BBS9: variants seen among roughly 807,000 people sequenced by gnomAD.
The protein encoded by BBS9 is protein PTHB1.
BBS9 carries 89 observed loss-of-function variants against 117.7 expected under a neutral mutation model. The ratio of observed to expected loss-of-function variants is 0.76; its 90% CI spans 0.64 to 0.90. The LOEUF (loss-of-function observed/expected upper bound fraction) is 0.90. Among genes scored for constraint, BBS9 ranks in the 40% least tolerant of loss-of-function variants. The probability of loss-of-function intolerance (pLI) is 0.00; values close to 1 mark genes in which losing one functional copy is unlikely to be tolerated. For missense variants in BBS9, 982 were observed against 1,042.2 expected, an observed-to-expected ratio of 0.94 and a Z score of 0.80; for synonymous variants, 379 against 370.9, an observed-to-expected ratio of 1.02 and a Z score of -0.25.
Position 33,388,156 on chromosome 7 carries a change from A to G in BBS9, c.2115+12A>G, listed in dbSNP as rs1370906674. On this transcript the variant is annotated intron_variant, in intron 19 of 22. Transcript: ENST00000242067. ...GAACCTACAAGCAGGTCAGTATAATATCAGTAACAGTTTTCTATTACTGGC... is the reference window on the plus strand; with the variant it reads ...GAACCTACAAGCAGGTCAGTATAATGTCAGTAACAGTTTTCTATTACTGGC... 1.2e-6 allele frequency: 2 copies of G among 1,613,508 alleles called. No homozygotes were observed. The highest frequency in any genetic ancestry group is 3.3e-5 in the Admixed American group (2 of 60,000).
intron 6 of BBS9, among the ~76,000 whole-genome samples, chr7:33,260,645 G>T (rs1390382416): frequency 6.6e-6 from 1 of 152,184 alleles, no homozygotes; most frequent in Non-Finnish European, 1.5e-5. Context: ...ACTGTGCAAG[G>T]TACTGGAAAT....
intron 19 of BBS9, among the ~76,000 whole-genome samples, chr7:33,396,543 A>G (rs979655327): frequency 6.6e-6 from 1 of 152,158 alleles, no homozygotes; most frequent in Non-Finnish European, 1.5e-5. Flanking sequence ...GAATGCATGG[A>G]TAGGAAGAAT....
chr7:33,320,934 T>G (rs1318788357), intron 9 of BBS9, among the ~76,000 whole-genome samples: 4 of 152,094 alleles, frequency 2.6e-5, no homozygotes, highest in Non-Finnish European at 5.9e-5. Context: ...CTAGTTTCAT[T>G]CTTGTACATA....
At chr7:33,172,310 G>A (rs1796701121) in intron 4 of BBS9, among the ~76,000 whole-genome samples, 1 of 151,888 alleles carries the variant, frequency 6.6e-6, no homozygotes, top group African/African-American at 2.4e-5. Context: ...TAACCCAGGC[G>A]GTGGAGCTTG....
At chr7:33,165,610 C>T (rs937146996) in intron 4 of BBS9, among the ~76,000 whole-genome samples, 1 of 151,952 alleles carries the variant, frequency 6.6e-6, no homozygotes, top group African/African-American at 2.4e-5. Flanking sequence ...GCCTTTCTTC[C>T]ACTTGATTGA....
rs767631444 is a variant in BBS9, at chr7:33,383,855, C to T, written c.1962+17C>T. ...CATTTTGAGGTATGTATGATCATAA[C>T]CCACATCATCTATAATCCTTAAATA... is the stretch of plus-strand genomic sequence containing the variant. On this transcript the variant is annotated intron_variant, in intron 18 of 22. Transcript: ENST00000242067. The T allele has an allele frequency of 2.6e-5, 41 of 1,604,522 alleles. 1 individual carries two copies. The East Asian group carries it at 8.7e-4, about 34-fold the overall frequency.
intron 21 of BBS9, among the ~76,000 whole-genome samples, chr7:33,545,655 C>A (rs1014223576): frequency 2.6e-5 from 4 of 152,092 alleles, no homozygotes; most frequent in Non-Finnish European, 5.9e-5. Flanking sequence ...ATGCAAGCCT[C>A]CCCGTACTGC....
At chr7:33,276,917 T>C in intron 9 of BBS9, 1 of 182,942 alleles carries the variant, frequency 5.5e-6, no homozygotes, top group Non-Finnish European at 1.3e-5. Flanking sequence ...CCTCACCTCA[T>C]GGGCCACAAG....
At chr7:33,528,541 G>GA (rs1378727370) in intron 20 of BBS9, among the ~76,000 whole-genome samples, 2 of 151,982 alleles carry the variant, frequency 1.3e-5, no homozygotes, top group African/African-American at 4.8e-5. Flanking sequence ...TGGAAATTTA[G>GA]ATTTCAATTA....
chr7:33,409,815 A>T (rs546882090), intron 19 of BBS9, among the ~76,000 whole-genome samples: 1 of 152,332 alleles, frequency 6.6e-6, no homozygotes, highest in South Asian at 2.1e-4. Context: ...CAAATTTACC[A>T]TATACATTTC....
At chr7:33,457,841 CA>C (rs1838866926) in intron 19 of BBS9, among the ~76,000 whole-genome samples, 1 of 152,136 alleles carries the variant, frequency 6.6e-6, no homozygotes, top group South Asian at 2.1e-4. Context: ...CACTTTTAGT[CA>C]ATGCTCTTAA....
At chr7:33,148,189 G>A (rs1181162064) in intron 2 of BBS9, among the ~76,000 whole-genome samples, 1 of 152,168 alleles carries the variant, frequency 6.6e-6, no homozygotes. Flanking sequence ...CTAGTTTACA[G>A]AATAGAGGTA....
intron 21 of BBS9, among the ~76,000 whole-genome samples, chr7:33,588,265 T>C (rs548733840): frequency 1.5e-4 from 23 of 152,136 alleles, no homozygotes; most frequent in Non-Finnish European, 3.1e-4. Context: ...TTTGAGAACC[T>C]TTTTTGGTTC....
intron 21 of BBS9, among the ~76,000 whole-genome samples, chr7:33,623,436 G>A (rs960233549): frequency 1.3e-5 from 2 of 152,118 alleles, no homozygotes; most frequent in African/African-American, 2.4e-5. Context: ...GAATCTGTTG[G>A]CTCAGCTCAA....
intron 17 of BBS9, among the ~76,000 whole-genome samples, chr7:33,368,249 A>G (rs1037079772): frequency 1.3e-5 from 2 of 152,112 alleles, no homozygotes; most frequent in African/African-American, 4.8e-5. Context: ...TAGAACTTGG[A>G]ATTTTTTTGT....
chr7:33,396,961 G>T (rs1484850215), intron 19 of BBS9, among the ~76,000 whole-genome samples: 1 of 152,088 alleles, frequency 6.6e-6, no homozygotes, highest in African/African-American at 2.4e-5. Context: ...TGCAAAAATT[G>T]AAACTGGACC....
chr7:33,492,850 G>GTGTA (rs1461452634), intron 19 of BBS9, among the ~76,000 whole-genome samples: 1 of 147,926 alleles, frequency 6.8e-6, no homozygotes, highest in Non-Finnish European at 1.5e-5. Context: ...GTGTGTGTGT[G>GTGTA]TGTGTATGTG....
intron 21 of BBS9, among the ~76,000 whole-genome samples, chr7:33,548,359 T>TA (rs927993033): frequency 1.3e-5 from 2 of 152,154 alleles, no homozygotes; most frequent in Non-Finnish European, 2.9e-5. Context: ...CCTTTTTTTT[T>TA]ATTATACTTT....
At chr7:33,269,431 G>A (rs993686311) in intron 7 of BBS9, among the ~76,000 whole-genome samples, 4 of 148,608 alleles carry the variant, frequency 2.7e-5, no homozygotes, top group African/African-American at 7.3e-5. Context: ...TGGATTGATT[G>A]CAGCTCTGCA....
Sources: allele counts gnomAD v4.1 joint callset (sites outside exome capture counted in the v4.1 genomes callset), GRCh38; gene constraint gnomAD v4.1.1; transcripts MANE v1.5; gene names NCBI Gene and HGNC (gene_info 2026-07-23, HGNC 2026-07-21).